Variants in ADAM23 observed in about 807,000 individuals in gnomAD.
ADAM23 encodes the protein ADAM metallopeptidase domain 23, also known as disintegrin and metalloproteinase domain-containing protein 23.
ADAM23 carries 33 observed loss-of-function variants against 120.1 expected under a neutral mutation model. The observed-to-expected ratio is 0.27, with a 90% confidence interval of 0.21 to 0.37. The LOEUF is 0.37. ADAM23 is among the 10% of genes least tolerant of loss of function. ADAM23 has a pLI of 1.00. For synonymous variants in ADAM23, 367 were observed against 375.2 expected (o/e 0.98, Z 0.25); for missense variants, 862 against 1,058.2 (o/e 0.81, Z 2.57).
chr2:206,580,497 C>A (rs1172321615), intron 18 of ADAM23, among the ~76,000 whole-genome samples: 1 of 152,074 alleles, frequency 6.6e-6, no homozygotes, highest in Non-Finnish European at 1.5e-5. Flanking sequence ...GTTTTTAATT[C>A]TGTTTATGTG....
chr2:206,464,798 G>A (rs1695508231), intron 2 of ADAM23, among the ~76,000 whole-genome samples: 1 of 151,976 alleles, frequency 6.6e-6, no homozygotes, highest in South Asian at 2.1e-4. Flanking sequence ...TCTAGTGGGT[G>A]GAGGCTAGTG....
chr2:206,460,287 G>A (rs1559216664), intron 2 of ADAM23, among the ~76,000 whole-genome samples: 1 of 152,114 alleles, frequency 6.6e-6, no homozygotes, highest in Non-Finnish European at 1.5e-5. Context: ...TTAATTTTTG[G>A]AGGAACCTCC....
chr2:206,547,853 C>G (rs888740535), intron 7 of ADAM23, among the ~76,000 whole-genome samples: 1 of 152,202 alleles, frequency 6.6e-6, no homozygotes, highest in Admixed American at 6.5e-5. Context: ...CCAGACACAT[C>G]TTAAGTGTGC....
chr2:206,444,509 T>A (rs1574470649), intron 1 of ADAM23, among the ~76,000 whole-genome samples: 1 of 152,170 alleles, frequency 6.6e-6, no homozygotes. Context: ...GCGCATTCAG[T>A]GCGGTTGGAA....
intron 24 of ADAM23, among the ~76,000 whole-genome samples, chr2:206,603,497 A>G (rs1251788792): frequency 2.0e-5 from 3 of 152,250 alleles, no homozygotes; most frequent in Non-Finnish European, 2.9e-5. Context: ...ACTCAAAGTA[A>G]TGGGAGGGAG....
intron 4 of ADAM23, among the ~76,000 whole-genome samples, chr2:206,538,256 C>T (rs184895132): frequency 1.5e-3 from 235 of 152,154 alleles, no homozygotes; most frequent in Middle Eastern, 0.01. Flanking sequence ...TTCCCCAAGT[C>T]TCCAAAATTA....
chr2:206,557,058 T>C (rs1373563541), intron 9 of ADAM23, among the ~76,000 whole-genome samples: 1 of 152,170 alleles, frequency 6.6e-6, no homozygotes, highest in East Asian at 1.9e-4. Flanking sequence ...TATAGGTCCT[T>C]ACTATTATTC....
intron 21 of ADAM23, among the ~76,000 whole-genome samples, chr2:206,590,948 T>C (rs1574553257): frequency 6.6e-6 from 1 of 152,320 alleles, no homozygotes; most frequent in East Asian, 1.9e-4. Flanking sequence ...GATTAGATTA[T>C]TGTAAAGGAT....
intron 5 of ADAM23, 51 bp from the exon 6 acceptor site, chr2:206,543,202 C>T (rs755041674): frequency 8.5e-6 from 13 of 1,524,140 alleles, no homozygotes; most frequent in South Asian, 7.9e-5. Context: ...TATTTCTTGC[C>T]ATTTCCTGTG....
chr2:206,499,843 C>G (rs1696351172), intron 3 of ADAM23, among the ~76,000 whole-genome samples: 1 of 151,800 alleles, frequency 6.6e-6, no homozygotes, highest in Admixed American at 6.6e-5. Context: ...ACGTTTGATT[C>G]AGTGAACTAT....
chr2:206,558,921 T>TTTG lies in ADAM23; in HGVS notation c.1006-1032_1006-1031insGTT, dbSNP rs1559263703. On this transcript the variant is annotated intron_variant, in intron 10 of 25. Transcript: ENST00000264377. ...GTGTGTTCAAAGATCATCCATTGGT[T>TTTG]TTTGTTTGTTTGTTTGTTTGTTTGT... Among the ~76,000 whole-genome samples the TTTG allele has an allele frequency of 2.7e-3, 368 of 134,882 alleles. 2 individuals carry two copies. The highest frequency in any genetic ancestry group is 0.011 in the East Asian group (50 of 4,618). The allele number at this position is 134,882 out of a possible 152,430, so 88.5% of individuals were successfully genotyped here.
rs1275974325 is a variant in ADAM23 at position 206,567,316 on chromosome 2, A to G, written c.1488A>G (p.Pro496=). The G allele has an allele frequency of 1.9e-6, 3 of 1,611,110 alleles. No individual in the cohort carries two copies. In the Admixed American group the frequency reaches 5.0e-5, roughly 27 times the overall value. The part of the protein sequence containing the change: ...RGGGACLFNR[P]TKLFEPTECG... ...GTGGAGCCTGCCTTTTCAACAGGCC[A>G]ACAAAGGTTAGTAACTTAGAAAGCA... Residue 496 remains proline, a synonymous_variant, in exon 15 of 26, where the codon CCA becomes CCG. Coordinates refer to ENST00000264377, the MANE Select transcript of ADAM23 (RefSeq NM_003812.4).
At chr2:206,542,246 G>T (rs1697306498) in intron 5 of ADAM23, 112 bp downstream of exon 5, 1 of 1,029,410 alleles carries the variant, frequency 9.7e-7, no homozygotes, top group Non-Finnish European at 1.5e-6. Flanking sequence ...GGGACTGCAT[G>T]TGGAGTGGTG....
In ADAM23 at chr2:206,588,124, G is replaced by A. The variant is rs1324799617; in HGVS notation, c.1822G>A (p.Asp608Asn). 2.5e-6 allele frequency: 4 copies of A among 1,614,112 alleles called. No individual in the cohort carries two copies. The Admixed American group carries it at 6.7e-5, about 27-fold the overall frequency. ...CTACAATGGCGAGTGCAAGACCAGA[G>A]ACAACCAGTGTCAGTACATCTGGGG... The part of the protein sequence containing the change: ...RCYNGECKTR[D>N]NQCQYIWGTK... The change falls in exon 20 of 26, where the codon GAC becomes AAC. Residue 608 changes from aspartate (D) to asparagine (N), a missense_variant. By Grantham distance (23) the Asp-to-Asn change is conservative (BLOSUM62 1). This residue lies in a region of ADAM23 where 617 missense variants were observed against 813.5 expected (regional missense o/e 0.76). Coordinates refer to ENST00000264377, the MANE Select transcript of ADAM23 (RefSeq NM_003812.4).
At chr2:206,509,691 C>T (rs112604076) in intron 3 of ADAM23, among the ~76,000 whole-genome samples, 8,517 of 152,238 alleles carry the variant, frequency 0.056, 812 homozygotes, top group African/African-American at 0.19. Flanking sequence ...TCAGGTGATC[C>T]GCCGGCCTTG....
chr2:206,485,242 G>T (rs1230787855), intron 3 of ADAM23, among the ~76,000 whole-genome samples: 2 of 152,154 alleles, frequency 1.3e-5, no homozygotes, highest in Non-Finnish European at 2.9e-5. Context: ...TTCTGTCTGG[G>T]ATTAACCAAA....
intron 22 of ADAM23, 48 bp downstream of exon 22, chr2:206,592,784 A>G (rs1317023487): frequency 6.5e-7 from 1 of 1,545,572 alleles, no homozygotes; most frequent in Non-Finnish European, 8.8e-7. Context: ...AGAATTACAA[A>G]TTTCACAAAA....
At position 206,587,313 on chromosome 2, in the gene ADAM23, A is replaced by ATC; in HGVS notation, c.1738-12_1738-11insTC. On this transcript the variant is annotated splice_polypyrimidine_tract_variant and intron_variant, in intron 18 of 25. Transcript: ENST00000264377. ...CATGCTGAATATTAACTAAAAAGAT[A>ATC]ATATTTTGCAGTGCCCACCAAATCT... 1.3e-6 allele frequency: 2 copies of ATC among 1,598,254 alleles called. No homozygotes were observed. The highest frequency in any genetic ancestry group is 1.7e-6 in the Non-Finnish European group (2 of 1,168,886).
chr2:206,614,947 G>A (rs1425638642), intron 25 of ADAM23, among the ~76,000 whole-genome samples: 1 of 152,112 alleles, frequency 6.6e-6, no homozygotes, highest in Admixed American at 6.5e-5. Flanking sequence ...GGCTGGCCAG[G>A]AAGATCGGTG....
Sources: allele counts gnomAD v4.1 joint callset (sites outside exome capture counted in the v4.1 genomes callset), GRCh38; gene constraint gnomAD v4.1.1; regional missense constraint gnomAD v4.1.1; transcripts MANE v1.5; gene names NCBI Gene and HGNC (gene_info 2026-07-23, HGNC 2026-07-21).